Variants in PPP1R9A observed in about 807,000 individuals in gnomAD.
The protein encoded by PPP1R9A is neurabin-1.
A neutral mutation model predicts 141.9 loss-of-function variants in PPP1R9A; 59 were observed. That is an observed-to-expected ratio of 0.42 (90% CI 0.34 to 0.52). The LOEUF (loss-of-function observed/expected upper bound fraction) is 0.52, where lower values mean the gene tolerates loss of function less well. PPP1R9A is among the 20% of genes least tolerant of loss of function. The pLI is 0.10. For synonymous variants in PPP1R9A, 500 were observed against 569.7 expected (o/e 0.88, Z 1.74); for missense variants, 1,444 against 1,611.9 (o/e 0.90, Z 1.78).
chr7:95,282,605 C>A (rs1312812890), intron 16 of PPP1R9A, among the ~76,000 whole-genome samples: 2 of 152,180 alleles, frequency 1.3e-5, no homozygotes, highest in Non-Finnish European at 2.9e-5. Context: ...TCCCTCCACC[C>A]TCCCCAGAGG....
In PPP1R9A at chr7:95,274,174, G is replaced by C; in HGVS notation, c.3296+6G>C. 1.9e-6 allele frequency: 3 copies of C among 1,545,378 alleles called. No individual in the cohort carries two copies. The highest frequency in any genetic ancestry group is 2.6e-6 in the Non-Finnish European group (3 of 1,142,006). ...AGGTTTTCTGCAGGTAGCAGGTACG[G>C]TTGTGTGATTAAGAACACGTGTATT... On this transcript the variant is annotated splice_donor_region_variant and intron_variant, in intron 16 of 19. Transcript: ENST00000433360.
At chr7:94,961,934 T>G (rs1205784099) in intron 2 of PPP1R9A, among the ~76,000 whole-genome samples, 1 of 151,968 alleles carries the variant, frequency 6.6e-6, no homozygotes, top group East Asian at 1.9e-4. Context: ...ATGCCTACTA[T>G]GTGCCTAAAA....
chr7:94,910,601 A>C lies in PPP1R9A; in HGVS notation c.488A>C (p.Lys163Thr), dbSNP rs1291211097. ...CAGAACAACCGCTATTCCCCAAAGAAAGAGAAAGCTGGAGGGAGTGAACCT... is the reference window on the plus strand; with the variant it reads ...CAGAACAACCGCTATTCCCCAAAGACAGAGAAAGCTGGAGGGAGTGAACCT... ...SGQNNRYSPK[K>T]EKAGGSEPQD... Residue 163 changes from lysine to threonine, a missense_variant, in exon 2 of 20, where the codon AAA becomes ACA. Coordinates refer to ENST00000433360, the MANE Select transcript of PPP1R9A (RefSeq NM_001166160.2). This position sits in a 1 kb window ranked among gnomAD's most constrained non-coding sequence, Gnocchi z 4.5. 1 of 1,614,182 alleles carries C rather than the reference A, an allele frequency of 6.2e-7. No homozygotes were observed. Among genetic ancestry groups the C allele is most frequent in the East Asian group, 2.2e-5 (1 of 44,868 alleles).
chr7:95,045,844 C>T (rs1375673982), intron 2 of PPP1R9A, among the ~76,000 whole-genome samples: 1 of 152,122 alleles, frequency 6.6e-6, no homozygotes, highest in East Asian at 1.9e-4. Context: ...TGCCTAACTA[C>T]CTACTGTAAT....
At chr7:95,016,439 C>T (rs1214453011) in intron 2 of PPP1R9A, among the ~76,000 whole-genome samples, 1 of 151,912 alleles carries the variant, frequency 6.6e-6, no homozygotes, top group Non-Finnish European at 1.5e-5. Context: ...AAAAATCTAT[C>T]ATGAATGTAA....
intron 2 of PPP1R9A, among the ~76,000 whole-genome samples, chr7:95,073,356 G>T (rs1814286809): frequency 6.6e-6 from 1 of 152,012 alleles, no homozygotes; most frequent in Non-Finnish European, 1.5e-5. Flanking sequence ...AAAGCTACCG[G>T]AATATGTAGA....
At chr7:95,093,069 A>G (rs1817569902) in intron 2 of PPP1R9A, among the ~76,000 whole-genome samples, 2 of 151,996 alleles carry the variant, frequency 1.3e-5, no homozygotes, top group African/African-American at 4.8e-5. Flanking sequence ...TGCCATGCCA[A>G]CAGGTTTTGG....
intron 2 of PPP1R9A, among the ~76,000 whole-genome samples, chr7:94,960,030 C>A (rs1307490889): frequency 6.6e-6 from 1 of 151,612 alleles, no homozygotes; most frequent in African/African-American, 2.4e-5. Context: ...GTGGTCTATA[C>A]CCCTATTCTA....
At chr7:95,046,508 G>T (rs934015746) in intron 2 of PPP1R9A, among the ~76,000 whole-genome samples, 1 of 152,166 alleles carries the variant, frequency 6.6e-6, no homozygotes, top group Non-Finnish European at 1.5e-5. Flanking sequence ...TTGATAACAC[G>T]GAATTGTGGA....
chr7:95,157,435 G>T (rs912455642), intron 4 of PPP1R9A, among the ~76,000 whole-genome samples: 1 of 152,176 alleles, frequency 6.6e-6, no homozygotes, highest in Non-Finnish European at 1.5e-5. Context: ...CCTCCAAGGA[G>T]GCAGAGGCCC....
Position 95,292,981 on chromosome 7 carries a change from C to T in PPP1R9A, c.*2678C>T, listed in dbSNP as rs1303466690. On this transcript the variant is annotated 3_prime_UTR_variant, in exon 20 of 20. Coordinates refer to ENST00000433360, the MANE Select transcript of PPP1R9A (RefSeq NM_001166160.2). ...ACAATTTAACACAGAATTGTTATTTCATCAACCTTAAAAACTGCAGTTTTT... is the reference window on the plus strand; with the variant it reads ...ACAATTTAACACAGAATTGTTATTTTATCAACCTTAAAAACTGCAGTTTTT... 2 of 152,136 alleles carry T rather than the reference C, an allele frequency of 1.3e-5. No individual in the cohort carries two copies. The highest frequency in any genetic ancestry group is 2.9e-5 in the Non-Finnish European group (2 of 68,040). The allele number at this position is 152,136 out of a possible 1,614,324, so 9.4% of individuals were successfully genotyped here.
chr7:95,043,795 C>G (rs993688237), intron 2 of PPP1R9A, among the ~76,000 whole-genome samples: 2 of 152,196 alleles, frequency 1.3e-5, no homozygotes, highest in Non-Finnish European at 2.9e-5. Flanking sequence ...ATTCTAACAT[C>G]AAATTCCTCT....
At chr7:95,065,319 C>A (rs538193246) in intron 2 of PPP1R9A, among the ~76,000 whole-genome samples, 4 of 152,118 alleles carry the variant, frequency 2.6e-5, no homozygotes, top group Non-Finnish European at 5.9e-5. Flanking sequence ...CTCCCATGGG[C>A]CTCCCAAAGT....
chr7:94,911,951 G>A (rs1385085609), intron 2 of PPP1R9A, among the ~76,000 whole-genome samples: 6 of 152,018 alleles, frequency 3.9e-5, no homozygotes, highest in Non-Finnish European at 7.4e-5. Context: ...AATAATATTC[G>A]ATTTACTTTC....
intron 2 of PPP1R9A, among the ~76,000 whole-genome samples, chr7:95,091,337 CTTTTTTT>C (rs555627706): frequency 6.6e-5 from 5 of 75,988 alleles, no homozygotes; most frequent in African/African-American, 1.1e-4. Flanking sequence ...TGTTTTAACT[CTTTTTTT>C]TTTTTTTTTT....
At chr7:95,094,337 A>T (rs1406972295) in intron 2 of PPP1R9A, among the ~76,000 whole-genome samples, 2 of 152,180 alleles carry the variant, frequency 1.3e-5, no homozygotes, top group African/African-American at 4.8e-5. Flanking sequence ...TGCTCATTAT[A>T]CAGAATTTGG....
intron 12 of PPP1R9A, among the ~76,000 whole-genome samples, chr7:95,267,466 C>T (rs1208960775): frequency 3.3e-5 from 5 of 152,094 alleles, no homozygotes; most frequent in Admixed American, 3.3e-4. Context: ...GGAGTAGTAG[C>T]ATTTCAAATA....
chr7:95,169,650 A>T (rs941545841), intron 5 of PPP1R9A, among the ~76,000 whole-genome samples: 1 of 151,928 alleles, frequency 6.6e-6, no homozygotes, highest in African/African-American at 2.4e-5. Flanking sequence ...TCCCATAAAT[A>T]TGTACAAATG....
intron 2 of PPP1R9A, among the ~76,000 whole-genome samples, chr7:95,066,986 G>A (rs913456973): frequency 6.6e-6 from 1 of 152,212 alleles, no homozygotes; most frequent in Admixed American, 6.5e-5. Context: ...GGGAAATCTG[G>A]ATGGTATCGG....
Sources: allele counts gnomAD v4.1 joint callset (sites outside exome capture counted in the v4.1 genomes callset), GRCh38; gene constraint gnomAD v4.1.1; non-coding constraint Gnocchi (gnomAD v3.1); transcripts MANE v1.5; gene names NCBI Gene and HGNC (gene_info 2026-07-23, HGNC 2026-07-21).